Variants in SIRT2 observed in about 807,000 individuals in gnomAD.
SIRT2 encodes NAD-dependent protein deacetylase sirtuin-2.
In SIRT2, 40 loss-of-function variants were observed where a neutral mutation model predicts 57.4. That is an observed-to-expected ratio of 0.70 (90% CI 0.54 to 0.91). The LOEUF is 0.91. Ranked by LOEUF, SIRT2 falls within the 40% of genes least tolerant of loss-of-function variation. The pLI is 0.00. For synonymous variants in SIRT2, 161 were observed against 195.7 expected (o/e 0.82, Z 1.48); for missense variants, 439 against 510.4 (o/e 0.86, Z 1.35).
chr19:38,893,028 G>C (rs1425902451), intron 4 of SIRT2, among the ~76,000 whole-genome samples: 1 of 152,092 alleles, frequency 6.6e-6, no homozygotes, highest in Non-Finnish European at 1.5e-5. Flanking sequence ...CAGAGGCATG[G>C]GGGCAGGCAT....
intron 8 of SIRT2, among the ~76,000 whole-genome samples, chr19:38,885,878 T>C (rs1307451122): frequency 6.6e-6 from 1 of 152,098 alleles, no homozygotes; most frequent in Non-Finnish European, 1.5e-5. Context: ...TGTGAGCCAC[T>C]GCGCCCGGCC....
At chr19:38,888,046 G>A (rs1482452374) in intron 8 of SIRT2, among the ~76,000 whole-genome samples, 4 of 152,094 alleles carry the variant, frequency 2.6e-5, no homozygotes, top group African/African-American at 9.7e-5. Flanking sequence ...GAGCCACCGC[G>A]CCCGGCCACC....
intron 2 of SIRT2, among the ~76,000 whole-genome samples, chr19:38,895,066 G>A (rs562647212): frequency 1.5e-5 from 2 of 135,722 alleles, no homozygotes; most frequent in Admixed American, 7.8e-5. Flanking sequence ...TCCTGCCCCC[G>A]CCTCCCTCCT....
chr19:38,897,763 C>T (rs1379553388), intron 2 of SIRT2, among the ~76,000 whole-genome samples: 2 of 152,138 alleles, frequency 1.3e-5, no homozygotes, highest in Non-Finnish European at 2.9e-5. Flanking sequence ...TGGGCTCAAG[C>T]GATCCTCCTA....
chr19:38,882,049 G>A (rs958102456), intron 9 of SIRT2, among the ~76,000 whole-genome samples: 6 of 151,674 alleles, frequency 4.0e-5, no homozygotes, highest in African/African-American at 1.5e-4. Context: ...CTGGAGTGTG[G>A]TGGTGCAATC....
At chr19:38,899,020 G>A in intron 1 of SIRT2, 1 of 197,170 alleles carries the variant, frequency 5.1e-6, no homozygotes, top group Non-Finnish European at 1.1e-5. Flanking sequence ...AAGGCAGAGG[G>A]AAGTTTAGAA....
chr19:38,880,759 G>T lies in SIRT2; in HGVS notation c.825-23C>A. ...GCCCTGTGGGGAGGGGGAGCTAAGG[G>T]GTCAGGGTCTGTCCTGGCCCTGGGT... On this transcript the variant is annotated intron_variant, in intron 12 of 15. Transcript: ENST00000249396. The surrounding 1 kb of genome is among the most constrained non-coding windows in gnomAD (Gnocchi z 4.1). 1 of 1,610,996 alleles carries T rather than the reference G, an allele frequency of 6.2e-7. No individual in the cohort carries two copies. The highest frequency in any genetic ancestry group is 1.3e-5 in the African/African-American group (1 of 74,952).
intron 8 of SIRT2, among the ~76,000 whole-genome samples, chr19:38,885,952 C>T (rs1198692354): frequency 6.6e-6 from 1 of 152,120 alleles, no homozygotes; most frequent in African/African-American, 2.4e-5. Context: ...CTTTTCTGCA[C>T]AGACATTTGT....
At chr19:38,886,682 C>A (rs1420479807) in intron 8 of SIRT2, among the ~76,000 whole-genome samples, 1 of 142,596 alleles carries the variant, frequency 7.0e-6, no homozygotes, top group African/African-American at 2.6e-5. Context: ...AGTGCAATGG[C>A]GGAATCTTGG....
rs925029061 is a variant in SIRT2 at position 38,880,194 on chromosome 19, C to T, written c.876+491G>A. ...GTTTCCTGTAGAATAGGGGTGATCA[C>T]AAAACCGCGATGGGGTTGTGGCGCC... On this transcript the variant is annotated intron_variant, in intron 13 of 15. Transcript: ENST00000249396. This position sits in a 1 kb window ranked among gnomAD's most constrained non-coding sequence, Gnocchi z 4.1. The T allele has an allele frequency of 5.6e-6, 1 of 179,286 alleles. No individual in the cohort carries two copies. The highest frequency in any genetic ancestry group is 1.4e-4 in the South Asian group (1 of 7,286). 11.1% of individuals were successfully genotyped at this position (179,286 alleles called of 1,614,324 possible). A position where few individuals can be genotyped will look rare whatever the true frequency, so the allele number is the denominator to read the frequency against.
intron 15 of SIRT2, 56 bp downstream of exon 15, chr19:38,879,378 G>C: frequency 6.3e-7 from 1 of 1,599,946 alleles, no homozygotes; most frequent in African/African-American, 1.3e-5. Flanking sequence ...CCCATGGGGT[G>C]GGGAGAGGGT....
Position 38,883,710 on chromosome 19 carries a change from A to G in SIRT2, c.548T>C (p.Leu183Ser), listed in dbSNP as rs1973231488. ...ERIAGLEQED[L>S]VEAHGTFYTS... ...GTAGAAGGTGCCGTGCGCCTCCACC[A>G]AGTCCTCCTGTTCCAGCCCGGCTAT... Residue 183 changes from leucine to serine, a missense_variant, in exon 9 of 16, where the codon TTG (leucine) becomes TCG (serine). Physicochemically the swap from Leu to Ser is moderately radical, Grantham distance 145 (BLOSUM62 -2). Transcript: ENST00000249396. 6.2e-7 allele frequency: 1 copy of G among 1,613,898 alleles called. No homozygotes were observed. Among genetic ancestry groups the G allele is most frequent in the African/African-American group, 1.3e-5 (1 of 74,886 alleles).
chr19:38,883,645 G>T lies in SIRT2; in HGVS notation c.613C>A (p.Pro205Thr), dbSNP rs1418097146. 1.9e-6 allele frequency: 3 copies of T among 1,613,994 alleles called. No individual in the cohort carries two copies. Among genetic ancestry groups the T allele is most frequent in the Non-Finnish European group, 2.5e-6 (3 of 1,179,890 alleles). ...CVSASCRHEY[P>T]LSWMKEKIFS... ...GCCTCACCTTTCATCCAGCTTAGCG[G>T]GTATTCGTGCCGGCAGCTGGCGCTG... Residue 205 changes from proline to threonine, a missense_variant, in exon 9 of 16, where the codon CCG becomes ACG. Coordinates refer to ENST00000249396, the MANE Select transcript of SIRT2 (RefSeq NM_012237.4).
chr19:38,884,371 C>T (rs1194768249), intron 8 of SIRT2, among the ~76,000 whole-genome samples: 1 of 152,240 alleles, frequency 6.6e-6, no homozygotes, highest in Non-Finnish European at 1.5e-5. Flanking sequence ...GCACCCTGCA[C>T]AGCTGCATGT....
intron 8 of SIRT2, among the ~76,000 whole-genome samples, chr19:38,887,770 T>C (rs1233604034): frequency 1.3e-5 from 2 of 152,184 alleles, no homozygotes; most frequent in African/African-American, 2.4e-5. Context: ...TGTTTGTTTT[T>C]TTAAATTGAG....
chr19:38,894,019 G>C, intron 2 of SIRT2, 152 bp from the exon 3 acceptor site: 11 of 1,473,338 alleles, frequency 7.5e-6, no homozygotes, highest in Non-Finnish European at 9.9e-6. Context: ...GCTAGCTCCA[G>C]GGCTCTGGGA....
chr19:38,897,927 C>G (rs1047987936), intron 2 of SIRT2, among the ~76,000 whole-genome samples: 9 of 152,354 alleles, frequency 5.9e-5, no homozygotes, highest in Non-Finnish European at 1.5e-5. Flanking sequence ...CAGCCTCAAA[C>G]TCCTGGGCTC....
chr19:38,880,030 G>A lies in SIRT2; in HGVS notation c.877-328C>T. The stretch of plus-strand genomic sequence containing the variant: ...AGTAGAGACGGGGTTTCACCATGTT[G>A]GTCAGGCTGGTCTCGAACTCCTGAC... On this transcript the variant is annotated intron_variant, in intron 13 of 15. Coordinates refer to ENST00000249396, the MANE Select transcript of SIRT2 (RefSeq NM_012237.4). This position sits in a 1 kb window ranked among gnomAD's most constrained non-coding sequence, Gnocchi z 4.1. The A allele has an allele frequency of 1.1e-5, 3 of 261,582 alleles. No individual in the cohort carries two copies. The highest frequency in any genetic ancestry group is 1.3e-3 in the Middle Eastern group (1 of 746). 16.2% of individuals were successfully genotyped at this position (261,582 alleles called of 1,614,324 possible).
intron 3 of SIRT2, 33 bp from the exon 4 acceptor site, chr19:38,893,560 G>T: frequency 6.7e-7 from 1 of 1,490,166 alleles, no homozygotes; most frequent in Non-Finnish European, 9.3e-7. Flanking sequence ...GCGGCAGGAC[G>T]GGCATTCAGC....
Sources: allele counts gnomAD v4.1 joint callset (sites outside exome capture counted in the v4.1 genomes callset), GRCh38; gene constraint gnomAD v4.1.1; non-coding constraint Gnocchi (gnomAD v3.1); transcripts MANE v1.5; gene names NCBI Gene and HGNC (gene_info 2026-07-23, HGNC 2026-07-21).